Variants in WFDC8 observed in about 807,000 individuals in gnomAD.
WFDC8 encodes WAP four-disulfide core domain protein 8.
A neutral mutation model predicts 27.0 loss-of-function variants in WFDC8; 24 were observed. That is an observed-to-expected ratio of 0.89 (90% CI 0.64 to 1.25). The LOEUF (loss-of-function observed/expected upper bound fraction) is 1.25. Among genes scored for constraint, WFDC8 ranks in the 50% most tolerant of loss-of-function variants. The pLI, the probability that WFDC8 is intolerant of heterozygous loss-of-function variation, is 0.00. For missense variants in WFDC8, 287 were observed against 295.9 expected, an observed-to-expected ratio of 0.97 and a Z score of 0.22; for synonymous variants, 106 against 99.7, an observed-to-expected ratio of 1.06 and a Z score of -0.38.
rs769493854 is a variant in WFDC8, at chr20:45,555,833, T to G, written c.313A>C (p.Asn105His). Residue 105 changes from asparagine to histidine, a missense_variant, in exon 4 of 6, where the codon AAT (asparagine) becomes CAT (histidine). Physicochemically the swap from Asn to His is moderately conservative, Grantham distance 68. Transcript: ENST00000289953. Reference sequence around the variant, plus strand: ...AAATGCCAGCGCTGTGCCTCATGATTACAGTTTCCATGCCTCACAGGTAGC... The same window carrying G: ...AAATGCCAGCGCTGTGCCTCATGATGACAGTTTCCATGCCTCACAGGTAGC... ...CMLPVRHGNC[N>H]HEAQRWHFDF... The G allele has an allele frequency of 1.9e-6, 3 of 1,614,022 alleles. No individual in the cohort carries two copies. In the South Asian group the frequency reaches 3.3e-5, roughly 18 times the overall value.
Position 45,552,443 on chromosome 20 carries a change from A to G in WFDC8, c.587-278T>C, listed in dbSNP as rs182668935. Among the ~76,000 whole-genome samples, 46 of 152,342 alleles carry G rather than the reference A, an allele frequency of 3.0e-4. 2 individuals are homozygous for G. The East Asian group carries it at 4.4e-3, about 15-fold the overall frequency. On this transcript the variant is annotated intron_variant, in intron 5 of 5. Coordinates refer to ENST00000289953, the MANE Select transcript of WFDC8 (RefSeq NM_130896.3). ...TAATGGATCTGGGTTATATAACCCC[A>G]GAGTACCACAGGTGGCAGGAGTATT...
chr20:45,570,180 C>T (rs985126536), intron 1 of WFDC8, among the ~76,000 whole-genome samples: 3 of 151,802 alleles, frequency 2.0e-5, no homozygotes, highest in Non-Finnish European at 2.9e-5. Context: ...TACCCATGAA[C>T]TTAAAAGTTA....
chr20:45,555,808 A>G lies in WFDC8; in HGVS notation c.338T>C (p.Phe113Ser). The G allele has an allele frequency of 6.2e-7, 1 of 1,614,012 alleles. No homozygotes were observed. The highest frequency in any genetic ancestry group is 8.5e-7 in the Non-Finnish European group (1 of 1,180,010). The change falls in exon 4 of 6, where the codon TTT (phenylalanine) becomes TCT (serine). Residue 113 changes from phenylalanine to serine, a missense_variant. Coordinates refer to ENST00000289953, the MANE Select transcript of WFDC8 (RefSeq NM_130896.3). Reference protein sequence around the residue: ...NCNHEAQRWHFDFKNYRCTPF... With the variant: ...NCNHEAQRWHSDFKNYRCTPF... ...TGTGCAGCGGTAATTTTTAAAGTCAAAATGCCAGCGCTGTGCCTCATGATT... is the reference window on the plus strand; with the variant it reads ...TGTGCAGCGGTAATTTTTAAAGTCAGAATGCCAGCGCTGTGCCTCATGATT...
At chr20:45,558,005 C>A (rs1980329971) in intron 3 of WFDC8, among the ~76,000 whole-genome samples, 1 of 152,190 alleles carries the variant, frequency 6.6e-6, no homozygotes, top group South Asian at 2.1e-4. Flanking sequence ...AACAAGATCA[C>A]AGTGAAACCT....
intron 1 of WFDC8, among the ~76,000 whole-genome samples, chr20:45,572,870 G>A (rs1980917169): frequency 6.6e-6 from 1 of 152,234 alleles, no homozygotes; most frequent in Non-Finnish European, 1.5e-5. Context: ...GCCTCCCAAA[G>A]TGTTGGGATT....
chr20:45,578,764 ATGT>A (rs1200405544), intron 1 of WFDC8, among the ~76,000 whole-genome samples: 5 of 152,302 alleles, frequency 3.3e-5, no homozygotes, highest in African/African-American at 1.2e-4. Context: ...TTTTTTGAAA[ATGT>A]TTAGATACAT....
At chr20:45,565,057 AGAG>A (rs911152865) in intron 1 of WFDC8, among the ~76,000 whole-genome samples, 8 of 63,288 alleles carry the variant, frequency 1.3e-4, no homozygotes, top group African/African-American at 4.1e-4. Flanking sequence ...GGAAGGAAGA[AGAG>A]AGAGGGAGGG....
intron 1 of WFDC8, among the ~76,000 whole-genome samples, chr20:45,571,730 A>G (rs1980875537): frequency 6.6e-6 from 1 of 152,178 alleles, no homozygotes; most frequent in Admixed American, 6.5e-5. Context: ...GACATGCAAT[A>G]TTTGTCTTTC....
At chr20:45,557,902 A>G (rs1240081924) in intron 3 of WFDC8, among the ~76,000 whole-genome samples, 1 of 152,192 alleles carries the variant, frequency 6.6e-6, no homozygotes, top group African/African-American at 2.4e-5. Context: ...CTCCCAGCTA[A>G]GCCACATGGA....
In WFDC8 at chr20:45,555,843, A is replaced by T. The variant is rs749286144; in HGVS notation, c.303T>A (p.His101Gln). ...GCTGTGCCTCATGATTACAGTTTCC[A>T]TGCCTCACAGGTAGCATGCAGGGTT... Reference protein sequence around the residue: ...FQEPCMLPVRHGNCNHEAQRW... With the variant: ...FQEPCMLPVRQGNCNHEAQRW... The change falls in exon 4 of 6, where the codon CAT becomes CAA. Residue 101 changes from histidine (H) to glutamine (Q), a missense_variant. By Grantham distance (24) the His-to-Gln change is conservative. Coordinates refer to ENST00000289953, the MANE Select transcript of WFDC8 (RefSeq NM_130896.3). The T allele has an allele frequency of 1.2e-6, 2 of 1,614,058 alleles. No individual in the cohort carries two copies. Among genetic ancestry groups the T allele is most frequent in the East Asian group, 2.2e-5 (1 of 44,882 alleles).
intron 3 of WFDC8, among the ~76,000 whole-genome samples, chr20:45,557,251 G>T (rs939013257): frequency 6.6e-6 from 1 of 152,128 alleles, no homozygotes; most frequent in Non-Finnish European, 1.5e-5. Flanking sequence ...ACAACTTTTT[G>T]CAGGGAAAAC....
chr20:45,555,993 G>GA (rs78363134), intron 3 of WFDC8, 125 bp from the exon 4 acceptor site: 980 of 887,518 alleles, frequency 1.1e-3, no homozygotes, highest in Non-Finnish European at 1.3e-3. Context: ...CATGGCAGGG[G>GA]AAAAAAAAAG....
In WFDC8 at chr20:45,579,242, C is replaced by T; in HGVS notation, c.6G>A (p.Trp2Ter). 2 of 1,613,990 alleles carry T rather than the reference C, an allele frequency of 1.2e-6. No homozygotes were observed. Among genetic ancestry groups the T allele is most frequent in the Non-Finnish European group, 1.7e-6 (2 of 1,179,974 alleles). The change falls in exon 1 of 6, where the codon TGG (tryptophan) becomes TGA (stop). Residue 2 changes from tryptophan to a stop codon, truncating the protein, a stop_gained. Coordinates refer to ENST00000289953, the MANE Select transcript of WFDC8 (RefSeq NM_130896.3). LOFTEE classifies it high-confidence loss of function. The part of the protein sequence containing the change: M[W>*]TVRTEGGHFP... Reference sequence around the variant, plus strand: ...CTCACCCTCCTTCAGTTCGGACAGTCCACATCAGGCCTCTTCCCTATGGAG... The same window carrying T: ...CTCACCCTCCTTCAGTTCGGACAGTTCACATCAGGCCTCTTCCCTATGGAG...
At chr20:45,564,201 G>A (rs1463613021) in intron 1 of WFDC8, among the ~76,000 whole-genome samples, 1 of 139,646 alleles carries the variant, frequency 7.2e-6, no homozygotes, top group East Asian at 2.2e-4. Flanking sequence ...TGAAGAACTA[G>A]GACAGACCTG....
intron 1 of WFDC8, among the ~76,000 whole-genome samples, chr20:45,573,751 A>G (rs1384623778): frequency 6.6e-6 from 1 of 152,110 alleles, no homozygotes; most frequent in Admixed American, 6.5e-5. Flanking sequence ...GTGGATTTCC[A>G]GTTTTCCCAA....
At chr20:45,570,924 G>A (rs1164470896) in intron 1 of WFDC8, among the ~76,000 whole-genome samples, 2 of 152,096 alleles carry the variant, frequency 1.3e-5, no homozygotes, top group African/African-American at 4.8e-5. Flanking sequence ...GCCTACATTT[G>A]TGGAACTCTA....
rs891789947 is a variant in WFDC8, at chr20:45,552,996, C to T, written c.586+140G>A. On this transcript the variant is annotated intron_variant, in intron 5 of 5. Coordinates refer to ENST00000289953, the MANE Select transcript of WFDC8 (RefSeq NM_130896.3). ...CAAGAGGTCAATATAACTTGTTGGGCATTAAAAGGGGTTCCCAAAGATCCT... is the reference window on the plus strand; with the variant it reads ...CAAGAGGTCAATATAACTTGTTGGGTATTAAAAGGGGTTCCCAAAGATCCT... 6 of 985,364 alleles carry T rather than the reference C, an allele frequency of 6.1e-6. No homozygotes were observed. The African/African-American group carries it at 9.7e-5, about 16-fold the overall frequency. The allele number at this position is 985,364 out of a possible 1,614,324, so 61.0% of individuals were successfully genotyped here.
At chr20:45,560,551 C>A (rs1980430276) in intron 2 of WFDC8, among the ~76,000 whole-genome samples, 1 of 152,344 alleles carries the variant, frequency 6.6e-6, no homozygotes, top group Admixed American at 6.5e-5. Flanking sequence ...CTTTCAGATA[C>A]TACTGAGTCT....
In WFDC8 at chr20:45,555,646, G is replaced by T. The variant is rs6032305; in HGVS notation, c.445+55C>A. 3.8e-6 allele frequency: 6 copies of T among 1,586,290 alleles called. No individual in the cohort carries two copies. In the African/African-American group the frequency reaches 6.7e-5, roughly 18 times the overall value. ...CAAATCCTGAGCCTATAACCTCATT[G>T]GTATACTATTTCTAGTTAAACTAGA... On this transcript the variant is annotated intron_variant, in intron 4 of 5. Coordinates refer to ENST00000289953, the MANE Select transcript of WFDC8 (RefSeq NM_130896.3).
Sources: gnomAD v4.1 joint callset for allele counts (sites outside exome capture counted in the v4.1 genomes callset) on GRCh38, gnomAD v4.1.1 for gene constraint, MANE v1.5 for transcripts, NCBI Gene and HGNC (gene_info 2026-07-23, HGNC 2026-07-21) for gene names.